The following IPO5 variants were observed in gnomAD, a reference collection of about 807,000 sequenced individuals.
IPO5 encodes importin-5.
IPO5 carries 18 observed loss-of-function variants against 143.3 expected under a neutral mutation model. The ratio of observed to expected loss-of-function variants is 0.13; its 90% confidence interval spans 0.09 to 0.19. IPO5 has a LOEUF of 0.19. Ranked by LOEUF, IPO5 falls within the 10% of genes least tolerant of loss-of-function variation. IPO5 has a pLI of 1.00. For missense variants in IPO5, 1,013 were observed against 1,336.9 expected, an observed-to-expected ratio of 0.76 and a Z score of 3.78; for synonymous variants, 477 against 465.7, an observed-to-expected ratio of 1.02 and a Z score of -0.31.
Position 98,022,176 on chromosome 13 carries a change from G to T in IPO5, c.*354G>T, listed in dbSNP as rs1404799980. ...GCTTTAAGAACAGTTACTCAGCGTA[G>T]ATGTGTGTTCACACAAATTGCTCTG... On this transcript the variant is annotated 3_prime_UTR_variant, in exon 29 of 29. Transcript: ENST00000651721. 5.9e-6 allele frequency: 1 copy of T among 169,814 alleles called. No homozygotes were observed. The highest frequency in any genetic ancestry group is 1.5e-4 in the East Asian group (1 of 6,624). 10.5% of individuals were successfully genotyped at this position (169,814 alleles called of 1,614,324 possible).
intron 26 of IPO5, 81 bp from the exon 27 acceptor site, chr13:98,019,500 G>A: frequency 1.0e-6 from 1 of 958,682 alleles, no homozygotes; most frequent in Non-Finnish European, 1.6e-6. Flanking sequence ...ATCAATATCT[G>A]AACCAAATAC....
At chr13:97,978,822 C>T (rs1886606460) in intron 4 of IPO5, among the ~76,000 whole-genome samples, 1 of 152,102 alleles carries the variant, frequency 6.6e-6, no homozygotes, top group African/African-American at 2.4e-5. Context: ...CCAATTGGTG[C>T]CTGTTGTAAA....
chr13:98,014,299 A>G (rs1483303532), intron 22 of IPO5, 85 bp downstream of exon 22: 15 of 977,176 alleles, frequency 1.5e-5, no homozygotes, highest in Non-Finnish European at 2.3e-5. Flanking sequence ...AAAATTTGAG[A>G]CAGGGTATTG....
At chr13:97,954,848 C>T (rs1884354933) in intron 2 of IPO5, among the ~76,000 whole-genome samples, 2 of 152,144 alleles carry the variant, frequency 1.3e-5, no homozygotes, top group East Asian at 1.9e-4. Flanking sequence ...AAGACACTAA[C>T]TAGTATGCGA....
chr13:97,995,647 T>A (rs1888216445), intron 11 of IPO5, among the ~76,000 whole-genome samples: 1 of 151,836 alleles, frequency 6.6e-6, no homozygotes, highest in Non-Finnish European at 1.5e-5. Context: ...TCCCAGCTTC[T>A]CGGGAGGCCG....
chr13:97,994,502 T>C (rs748792281), intron 11 of IPO5, among the ~76,000 whole-genome samples: 1 of 152,168 alleles, frequency 6.6e-6, no homozygotes, highest in African/African-American at 2.4e-5. Flanking sequence ...GCATGAGTTA[T>C]AGTAACTGGG....
At chr13:98,016,696 C>A (rs200303351) in intron 24 of IPO5, 33 bp from the exon 25 acceptor site, 4 of 1,136,118 alleles carry the variant, frequency 3.5e-6, no homozygotes, top group Non-Finnish European at 4.9e-6. Context: ...ACTTTTTAAT[C>A]CATATGAGTG....
intron 11 of IPO5, among the ~76,000 whole-genome samples, chr13:97,993,742 G>A (rs1887990478): frequency 6.6e-6 from 1 of 152,188 alleles, no homozygotes; most frequent in East Asian, 1.9e-4. Context: ...ATTGTGCTGG[G>A]ATAAGGACTT....
rs183854541 is a variant in IPO5 at position 97,978,105 on chromosome 13, T to C, written c.90+1319T>C. 2.7e-3 allele frequency among the ~76,000 whole-genome samples: 408 copies of C among 152,338 alleles called. 2 individuals are homozygous for C. The highest frequency in any genetic ancestry group is 5.3e-3 in the Admixed American group (81 of 15,292). The stretch of plus-strand genomic sequence containing the variant: ...AAAGCATTTTCTACTATTCACTTCA[T>C]TAAGTTTTTATTTATTATACATGTA... On this transcript the variant is annotated intron_variant, in intron 4 of 28. Coordinates refer to ENST00000651721, the MANE Select transcript of IPO5 (RefSeq NM_002271.6).
At chr13:97,954,870 G>A (rs1211447613) in intron 2 of IPO5, among the ~76,000 whole-genome samples, 1 of 152,154 alleles carries the variant, frequency 6.6e-6, no homozygotes, top group Non-Finnish European at 1.5e-5. Context: ...ACAGATTTGT[G>A]TTGGAACATT....
chr13:98,019,728 A>T lies in IPO5; in HGVS notation c.2984A>T (p.His995Leu). Residue 995 changes from histidine (H) to leucine (L), a missense_variant, in exon 27 of 29, where the codon CAC becomes CTC. Physicochemically the swap from His to Leu is moderately conservative, Grantham distance 99. Coordinates refer to ENST00000651721, the MANE Select transcript of IPO5 (RefSeq NM_002271.6). ...GTAAACGTTGAAGAGGTCCTTCCAC[A>T]CTGGTTGTCTTGGCTTCCACTACAT... ...DCVNVEEVLP[H>L]WLSWLPLHED... The T allele has an allele frequency of 1.2e-6, 2 of 1,614,068 alleles. No homozygotes were observed. The highest frequency in any genetic ancestry group is 8.5e-7 in the Non-Finnish European group (1 of 1,179,924).
chr13:98,007,396 AGT>A (rs1889354911), intron 17 of IPO5: 1 of 152,238 alleles, frequency 6.6e-6, no homozygotes, highest in Admixed American at 6.5e-5. Flanking sequence ...ACCATTGGCC[AGT>A]GTGTTTCTCA....
chr13:97,966,906 T>C (rs977987261), intron 2 of IPO5, among the ~76,000 whole-genome samples: 2 of 152,074 alleles, frequency 1.3e-5, no homozygotes, highest in Non-Finnish European at 2.9e-5. Context: ...TGTGGTGGTG[T>C]GTGCCTATAG....
chr13:98,010,449 G>A (rs959374552), intron 20 of IPO5, among the ~76,000 whole-genome samples: 1 of 152,050 alleles, frequency 6.6e-6, no homozygotes, highest in Non-Finnish European at 1.5e-5. Flanking sequence ...CCTGTTAGTG[G>A]GAAGATGAAT....
chr13:97,959,390 C>T (rs1461898393), intron 2 of IPO5, among the ~76,000 whole-genome samples: 1 of 151,790 alleles, frequency 6.6e-6, no homozygotes, highest in Non-Finnish European at 1.5e-5. Flanking sequence ...GAGAGAGCCT[C>T]CTCCATTTCT....
Position 98,015,745 on chromosome 13 carries a change from CTA to C in IPO5, c.2459_2460del (p.Tyr820Ter). On this transcript the variant is annotated frameshift_variant, in exon 24 of 29. Transcript: ENST00000651721. LOFTEE classifies it high-confidence loss of function. ...LRQVKRQDED[Y>X]DEQVEESLQD... ...TTTTAGTTAAAAGACAAGATGAAGA[CTA>C]TGATGAACAGGTCGAAGAGTCACTA... 6.2e-7 allele frequency: 1 copy of C among 1,611,382 alleles called. No individual in the cohort carries two copies. The highest frequency in any genetic ancestry group is 1.3e-5 in the African/African-American group (1 of 74,936).
intron 2 of IPO5, among the ~76,000 whole-genome samples, chr13:97,962,970 C>A (rs1272848193): frequency 6.6e-6 from 1 of 152,160 alleles, no homozygotes; most frequent in Admixed American, 6.6e-5. Context: ...ATCTGAAGGG[C>A]AAACCAGCAG....
chr13:97,969,807 A>T lies in IPO5; in HGVS notation c.-28A>T. On this transcript the variant is annotated 5_prime_UTR_variant, in exon 3 of 29. Transcript: ENST00000651721. ...TGCCTGAGGATCAAGTTGGAAAACT[A>T]GAAGCAACAGAAAACACAATAAGGT... The T allele has an allele frequency of 6.8e-6, 11 of 1,612,620 alleles. No individual in the cohort carries two copies. Among genetic ancestry groups the T allele is most frequent in the African/African-American group, 2.7e-5 (2 of 75,034 alleles).
rs1890524936 is a variant in IPO5, at chr13:98,021,937, ATTC to A, written c.*120_*122del. ...AGATCGGTAGTGTTGTGTGTAGGCC[ATTC>A]TTCTGGAGAGCCACAAGCAGGAAGA... On this transcript the variant is annotated 3_prime_UTR_variant, in exon 29 of 29. Transcript: ENST00000651721. 1.8e-6 allele frequency: 1 copy of A among 559,880 alleles called. No homozygotes were observed. Among genetic ancestry groups the A allele is most frequent in the Non-Finnish European group, 3.0e-6 (1 of 328,930 alleles). The allele number at this position is 559,880 out of a possible 1,614,324, so 34.7% of individuals were successfully genotyped here.
Sources: gnomAD v4.1 joint callset for allele counts (sites outside exome capture counted in the v4.1 genomes callset) on GRCh38, gnomAD v4.1.1 for gene constraint, MANE v1.5 for transcripts, NCBI Gene and HGNC (gene_info 2026-07-23, HGNC 2026-07-21) for gene names.